The following CELSR1 variants were observed in gnomAD, a reference collection of about 807,000 sequenced individuals.
CELSR1 encodes the protein adhesion G protein-coupled receptor C1.
CELSR1 carries 110 observed loss-of-function variants against 249.1 expected under a neutral mutation model. The observed-to-expected ratio is 0.44, with a 90% CI of 0.38 to 0.52. CELSR1 has a LOEUF of 0.52. CELSR1 is among the 20% of genes least tolerant of loss of function. The pLI, the probability that CELSR1 is intolerant of heterozygous loss-of-function variation, is 0.00. For synonymous variants in CELSR1, 2,113 were observed against 1,900.0 expected, an observed-to-expected ratio of 1.11 and a Z score of -2.92; for missense variants, 4,109 against 4,296.4, an observed-to-expected ratio of 0.96 and a Z score of 1.22.
chr22:46,373,308 CAGAG>C (rs1219889674), intron 24 of CELSR1, among the ~76,000 whole-genome samples: 1 of 152,132 alleles, frequency 6.6e-6, no homozygotes, highest in African/African-American at 2.4e-5. Context: ...GTGAGAATGA[CAGAG>C]AGAGACTAGT....
intron 1 of CELSR1, among the ~76,000 whole-genome samples, chr22:46,531,522 G>A (rs2080792338): frequency 6.6e-6 from 1 of 152,182 alleles, no homozygotes; most frequent in Non-Finnish European, 1.5e-5. Flanking sequence ...CTGCTTTAAA[G>A]CACCCATTTG....
At chr22:46,502,541 G>A (rs2080477255) in intron 1 of CELSR1, among the ~76,000 whole-genome samples, 2 of 151,668 alleles carry the variant, frequency 1.3e-5, no homozygotes, top group African/African-American at 4.8e-5. Flanking sequence ...AAGGAGGGAG[G>A]GAGAGAGGGA....
intron 18 of CELSR1, among the ~76,000 whole-genome samples, chr22:46,387,394 T>G (rs2079044122): frequency 6.6e-6 from 1 of 152,226 alleles, no homozygotes; most frequent in Admixed American, 6.5e-5. Flanking sequence ...TTGTTTTTGT[T>G]TTTTGAGACA....
At chr22:46,523,055 A>G (rs1342651547) in intron 1 of CELSR1, among the ~76,000 whole-genome samples, 1 of 152,214 alleles carries the variant, frequency 6.6e-6, no homozygotes, top group Non-Finnish European at 1.5e-5. Context: ...TCACTGACAA[A>G]TGGTTATTGC....
chr22:46,419,368 C>T (rs565671601), intron 5 of CELSR1, among the ~76,000 whole-genome samples: 2 of 152,298 alleles, frequency 1.3e-5, no homozygotes, highest in East Asian at 3.9e-4. Flanking sequence ...CTGAGGGACC[C>T]TCCTCAAGCA....
In CELSR1 at chr22:46,361,604, G is replaced by A. The variant is rs1450319574; in HGVS notation, c.*1619C>T. ...AGGCACATGTATAATTCATTCAGGT[G>A]TGAGGACTCTGGGATCTCATTTCAT... On this transcript the variant is annotated 3_prime_UTR_variant, in exon 35 of 35. Coordinates refer to ENST00000674500, the MANE Select transcript of CELSR1 (RefSeq NM_001378328.1). The A allele has an allele frequency of 1.3e-5, 2 of 152,344 alleles. No individual in the cohort carries two copies. The highest frequency in any genetic ancestry group is 1.9e-4 in the East Asian group (1 of 5,180). 9.4% of individuals were successfully genotyped at this position (152,344 alleles called of 1,614,324 possible).
At chr22:46,377,542 C>A in intron 23 of CELSR1, 1 of 475,878 alleles carries the variant, frequency 2.1e-6, no homozygotes, top group Non-Finnish European at 3.8e-6. Context: ...GGCTTTGGGG[C>A]GCCCAGGCCA....
intron 24 of CELSR1, among the ~76,000 whole-genome samples, chr22:46,373,965 GC>G (rs1204256308): frequency 6.6e-6 from 1 of 152,208 alleles, no homozygotes; most frequent in Non-Finnish European, 1.5e-5. Context: ...CCCTAAGGGT[GC>G]CCCTGCTGAC....
In CELSR1 at chr22:46,396,591, G is replaced by C. The variant is rs778946064; in HGVS notation, c.5843+14C>G. The C allele has an allele frequency of 1.3e-6, 2 of 1,546,462 alleles. No individual in the cohort carries two copies. The highest frequency in any genetic ancestry group is 1.4e-5 in the African/African-American group (1 of 72,452). Reference sequence around the variant, plus strand: ...ACTCTGAAGGTGCAGGGAGGCACCAGGGGCTGCTCTTACTTGTTCTCACAG... The same window carrying C: ...ACTCTGAAGGTGCAGGGAGGCACCACGGGCTGCTCTTACTTGTTCTCACAG... On this transcript the variant is annotated intron_variant, in intron 13 of 34. Coordinates refer to ENST00000674500, the MANE Select transcript of CELSR1 (RefSeq NM_001378328.1). The surrounding 1 kb of genome is among the most constrained non-coding windows in gnomAD (Gnocchi z 6.4).
chr22:46,390,276 C>T lies in CELSR1; in HGVS notation c.6345+116G>A, dbSNP rs2079075112. On this transcript the variant is annotated intron_variant, in intron 17 of 34. Transcript: ENST00000674500. This position sits in a 1 kb window ranked among gnomAD's most constrained non-coding sequence, Gnocchi z 6.3. ...CGGGCCCGTGGGGCTGTCCCTGCGC[C>T]ATCCCAGCCGCCCCAACACTCCCCA... The T allele has an allele frequency of 4.7e-6, 4 of 845,406 alleles. No homozygotes were observed. The highest frequency in any genetic ancestry group is 2.7e-5 in the Admixed American group (1 of 36,896). 52.4% of individuals were successfully genotyped at this position (845,406 alleles called of 1,614,324 possible).
rs1443212609 is a variant in CELSR1, at chr22:46,518,495, G to A, written c.3544+15132C>T. 1.3e-5 allele frequency among the ~76,000 whole-genome samples: 2 copies of A among 152,214 alleles called. No individual in the cohort carries two copies. The highest frequency in any genetic ancestry group is 2.9e-5 in the Non-Finnish European group (2 of 68,032). On this transcript the variant is annotated intron_variant, in intron 1 of 34. Transcript: ENST00000674500. The surrounding 1 kb of genome is among the most constrained non-coding windows in gnomAD (Gnocchi z 5.2). The stretch of plus-strand genomic sequence containing the variant: ...AGGCCTCGGTTATCTGATTTAACAC[G>A]AAGAAACCAGTCACACACACAAACA...
In CELSR1 at chr22:46,391,958, C is replaced by A; in HGVS notation, c.5965-142G>T. The A allele has an allele frequency of 1.1e-6, 1 of 871,176 alleles. No individual in the cohort carries two copies. Among genetic ancestry groups the A allele is most frequent in the South Asian group, 1.8e-5 (1 of 54,896 alleles). The allele number at this position is 871,176 out of a possible 1,614,324, so 54.0% of individuals were successfully genotyped here. On this transcript the variant is annotated intron_variant, in intron 14 of 34. Transcript: ENST00000674500. The surrounding 1 kb of genome is among the most constrained non-coding windows in gnomAD (Gnocchi z 4.3). ...CCATCCCACCCCTCATGGCTACCCT[C>A]TGCCCACATCCCACACCCAACGGGG...
chr22:46,444,003 C>G (rs993714513), intron 2 of CELSR1, among the ~76,000 whole-genome samples: 2 of 152,350 alleles, frequency 1.3e-5, no homozygotes, highest in East Asian at 1.9e-4. Context: ...ACCTCGACGG[C>G]AAACAAAGGG....
chr22:46,439,563 C>A, intron 2 of CELSR1, 152 bp from the exon 3 acceptor site: 2 of 652,008 alleles, frequency 3.1e-6, no homozygotes, highest in South Asian at 3.9e-5. Flanking sequence ...GTGACATGAA[C>A]AGAAACCCCT....
Position 46,511,838 on chromosome 22 carries a change from C to T in CELSR1, c.3544+21789G>A, listed in dbSNP as rs150969646. Among the ~76,000 whole-genome samples the T allele has an allele frequency of 6.8e-3, 1,030 of 152,200 alleles. 12 individuals carry two copies. Among genetic ancestry groups the T allele is most frequent in the African/African-American group, 0.024 (994 of 41,514 alleles). On this transcript the variant is annotated intron_variant, in intron 1 of 34. Transcript: ENST00000674500. ...CAGGAAAAGCCACTTTTCCCACTGA[C>T]GGGGGCTACCAGCTCTGTAAACATC...
In CELSR1 at chr22:46,433,831, C is replaced by T. The variant is rs536370308; in HGVS notation, c.4523-350G>A. ...TCCTGAGTAGCTGGGATTACAGGCACCCACCACCACACCCGGCTAATTTTT... is the reference window on the plus strand; with the variant it reads ...TCCTGAGTAGCTGGGATTACAGGCATCCACCACCACACCCGGCTAATTTTT... On this transcript the variant is annotated intron_variant, in intron 4 of 34. Coordinates refer to ENST00000674500, the MANE Select transcript of CELSR1 (RefSeq NM_001378328.1). The surrounding 1 kb of genome is among the most constrained non-coding windows in gnomAD (Gnocchi z 5.7). 5.9e-5 allele frequency among the ~76,000 whole-genome samples: 9 copies of T among 152,202 alleles called. No individual in the cohort carries two copies. The East Asian group carries it at 1.5e-3, about 26-fold the overall frequency.
At chr22:46,450,990 T>C in intron 2 of CELSR1, among the ~76,000 whole-genome samples, 1 of 152,214 alleles carries the variant, frequency 6.6e-6, no homozygotes, top group East Asian at 1.9e-4. Context: ...CTGTTCCTCC[T>C]GTTCCTCACT....
chr22:46,384,815 A>G (rs1005328501), intron 19 of CELSR1, 129 bp from the exon 20 acceptor site: 27 of 1,017,056 alleles, frequency 2.7e-5, no homozygotes, highest in African/African-American at 5.0e-5. Flanking sequence ...TTTGAGGTGG[A>G]GTCTCGCAGT....
intron 2 of CELSR1, among the ~76,000 whole-genome samples, chr22:46,452,973 G>A (rs1179213469): frequency 1.3e-5 from 2 of 152,228 alleles, no homozygotes; most frequent in Non-Finnish European, 2.9e-5. Context: ...GTTGAGTGGG[G>A]ACATTCAGGT....
Sources: gnomAD v4.1 joint callset for allele counts (sites outside exome capture counted in the v4.1 genomes callset) on GRCh38, gnomAD v4.1.1 for gene constraint, Gnocchi (gnomAD v3.1) non-coding constraint, MANE v1.5 for transcripts, NCBI Gene and HGNC (gene_info 2026-07-23, HGNC 2026-07-21) for gene names.